Variants in THAP8 observed in about 807,000 individuals in gnomAD.
The protein encoded by THAP8 is THAP domain-containing protein 8.
A neutral mutation model predicts 25.0 loss-of-function variants in THAP8; 24 were observed. That is an observed-to-expected ratio of 0.96 (90% CI 0.69 to 1.35). The LOEUF is 1.35. Among genes scored for constraint, THAP8 ranks in the 40% most tolerant of loss-of-function variants. The probability of loss-of-function intolerance (pLI) is 0.00; values close to 1 mark genes in which losing one functional copy is unlikely to be tolerated. For synonymous variants in THAP8, 169 were observed against 157.6 expected, an observed-to-expected ratio of 1.07 and a Z score of -0.54; for missense variants, 399 against 368.8, an observed-to-expected ratio of 1.08 and a Z score of -0.67.
rs200473955 is a variant in THAP8 at position 36,035,457 on chromosome 19, G to C, written c.808C>G (p.Arg270Gly). ...CTTGATCCTTATGCACTGGGGATCC[G>C]AGTGTCCAGGAGCTCCGGCTTGGCA... ...VDAKPELLDT[R>G]IPSA Residue 270 changes from arginine to glycine, a missense_variant, in exon 4 of 4, where the codon CGG becomes GGG. Coordinates refer to ENST00000292894, the MANE Select transcript of THAP8 (RefSeq NM_152658.3). 16 of 1,613,928 alleles carry C rather than the reference G, an allele frequency of 9.9e-6. No individual in the cohort carries two copies. Among genetic ancestry groups the C allele is most frequent in the South Asian group, 4.4e-5 (4 of 91,066 alleles).
chr19:36,042,407 G>A (rs1048737552), intron 1 of THAP8, among the ~76,000 whole-genome samples: 5 of 152,200 alleles, frequency 3.3e-5, no homozygotes, highest in African/African-American at 1.2e-4. Flanking sequence ...TGAGGTGGGT[G>A]GGTCACTTGA....
At chr19:36,041,194 C>A (rs1367421442) in intron 1 of THAP8, among the ~76,000 whole-genome samples, 5 of 151,508 alleles carry the variant, frequency 3.3e-5, no homozygotes, top group African/African-American at 9.7e-5. Flanking sequence ...TGCCTGTAGT[C>A]CCAGCTACTC....
upstream of THAP8, chr19:36,054,410 C>T (rs544514307): frequency 1.7e-5 from 11 of 650,432 alleles, no homozygotes; most frequent in African/African-American, 1.6e-4. Flanking sequence ...CAGTCCCGCC[C>T]TCGTCACGTG....
intron 3 of THAP8, among the ~76,000 whole-genome samples, chr19:36,038,695 C>CA (rs1475301954): frequency 2.0e-5 from 3 of 151,834 alleles, no homozygotes; most frequent in African/African-American, 4.8e-5. Context: ...ACTAAAAATA[C>CA]AAAAAATTAG....
In THAP8 at chr19:36,035,443, T is replaced by C. The variant is rs1327636352; in HGVS notation, c.822A>G (p.Ala274=). The C allele has an allele frequency of 1.2e-6, 2 of 1,613,574 alleles. No homozygotes were observed. The highest frequency in any genetic ancestry group is 2.7e-5 in the African/African-American group (2 of 74,940). Residue 274 remains alanine (A), a synonymous_variant, in exon 4 of 4, where the codon GCA becomes GCG. Coordinates refer to ENST00000292894, the MANE Select transcript of THAP8 (RefSeq NM_152658.3). ...TCGACATTGTCTGTCTTGATCCTTA[T>C]GCACTGGGGATCCGAGTGTCCAGGA... The part of the protein sequence containing the change: ...PELLDTRIPS[A]
intron 1 of THAP8, among the ~76,000 whole-genome samples, chr19:36,043,266 C>G (rs191208569): frequency 6.6e-6 from 1 of 152,236 alleles, no homozygotes; most frequent in Non-Finnish European, 1.5e-5. Flanking sequence ...CATGCAACAA[C>G]ACAGATGAAC....
chr19:36,040,356 C>T (rs1044448434), intron 1 of THAP8, among the ~76,000 whole-genome samples: 2 of 152,106 alleles, frequency 1.3e-5, no homozygotes, highest in East Asian at 1.9e-4. Context: ...GACGGGGTTT[C>T]GCACTTGTCA....
intron 3 of THAP8, among the ~76,000 whole-genome samples, chr19:36,038,710 G>A (rs2145430168): frequency 6.6e-6 from 1 of 152,240 alleles, no homozygotes; most frequent in South Asian, 2.1e-4. Context: ...AATTAGCTGA[G>A]CGTGGTGGCG....
intron 1 of THAP8, among the ~76,000 whole-genome samples, chr19:36,042,537 G>A (rs1166971256): frequency 6.6e-6 from 1 of 152,156 alleles, no homozygotes; most frequent in Non-Finnish European, 1.5e-5. Context: ...AGGCTGAGGT[G>A]GGAGGACTGC....
At chr19:36,049,125 C>A (rs1476226904) in intron 1 of THAP8, among the ~76,000 whole-genome samples, 2 of 152,040 alleles carry the variant, frequency 1.3e-5, no homozygotes, top group African/African-American at 2.4e-5. Flanking sequence ...GTAGTCCCAG[C>A]TACTCAGGAG....
intron 1 of THAP8, among the ~76,000 whole-genome samples, chr19:36,044,373 A>AT (rs767290397): frequency 6.6e-6 from 1 of 151,878 alleles, no homozygotes; most frequent in Non-Finnish European, 1.5e-5. Flanking sequence ...GAAACTTTAC[A>AT]TCACAATTGA....
intron 1 of THAP8, among the ~76,000 whole-genome samples, chr19:36,043,047 G>C (rs1049601277): frequency 6.6e-6 from 1 of 152,112 alleles, no homozygotes; most frequent in Non-Finnish European, 1.5e-5. Context: ...TCCCGCCTCA[G>C]CTTCCCAAGT....
intron 3 of THAP8, 49 bp from the exon 4 acceptor site, chr19:36,035,641 G>A (rs750184990): frequency 9.4e-6 from 15 of 1,589,650 alleles, no homozygotes; most frequent in Admixed American, 3.4e-5. Flanking sequence ...AGCAAGTTGC[G>A]GGAGAGACAG....
At position 36,039,733 on chromosome 19, in the gene THAP8, A is replaced by G. The variant is rs1389589559; in HGVS notation, c.277-15T>C. ...CTCCGCTGACTCTGGAAGACAAGGCATGGGGTGCAGGGGTGCCGTGGTCAG... is the reference window on the plus strand; with the variant it reads ...CTCCGCTGACTCTGGAAGACAAGGCGTGGGGTGCAGGGGTGCCGTGGTCAG... On this transcript the variant is annotated splice_polypyrimidine_tract_variant and intron_variant, in intron 2 of 3. Transcript: ENST00000292894. 6.6e-7 allele frequency: 1 copy of G among 1,506,628 alleles called. No individual in the cohort carries two copies. Among genetic ancestry groups the G allele is most frequent in the Non-Finnish European group, 8.9e-7 (1 of 1,127,760 alleles). The allele number at this position is 1,506,628 out of a possible 1,614,324, so 93.3% of individuals were successfully genotyped here. A position where few individuals can be genotyped will look rare whatever the true frequency, so the allele number is the denominator to read the frequency against.
In THAP8 at chr19:36,054,209, C is replaced by T. The variant is rs1230451283; in HGVS notation, c.9G>A (p.Lys3=). 2 of 1,613,610 alleles carry T rather than the reference C, an allele frequency of 1.2e-6. No homozygotes were observed. Among genetic ancestry groups the T allele is most frequent in the Admixed American group, 1.7e-5 (1 of 59,970 alleles). The change falls in exon 1 of 4, where the codon AAG becomes AAA. Residue 3 remains lysine (K), a synonymous_variant. Coordinates refer to ENST00000292894, the MANE Select transcript of THAP8 (RefSeq NM_152658.3). ...TGGAGCAGTTCGGCGCCCTGCAGTA[C>T]TTGGGCATGGCTATCCAGCCCCCGC... MP[K]YCRAPNCSNT...
At chr19:36,039,820 G>A in intron 2 of THAP8, 102 bp from the exon 3 acceptor site, 1 of 1,540,768 alleles carries the variant, frequency 6.5e-7, no homozygotes, top group South Asian at 1.2e-5. Context: ...CCTAGGTAAG[G>A]CCAGACCTCA....
In THAP8 at chr19:36,054,200, C is replaced by A; in HGVS notation, c.18G>T (p.Arg6Ser). Residue 6 changes from arginine to serine, a missense_variant, in exon 1 of 4, where the codon AGG becomes AGT. Arg to Ser is a moderately radical substitution (Grantham distance 110). Transcript: ENST00000292894. MPKYC[R>S]APNCSNTAGR... ...CCGCAGTGTTGGAGCAGTTCGGCGC[C>A]CTGCAGTACTTGGGCATGGCTATCC... 1 of 1,613,874 alleles carries A rather than the reference C, an allele frequency of 6.2e-7. No individual in the cohort carries two copies. The highest frequency in any genetic ancestry group is 8.5e-7 in the Non-Finnish European group (1 of 1,179,912).
At chr19:36,051,574 G>A (rs1970056453) in intron 1 of THAP8, among the ~76,000 whole-genome samples, 2 of 152,148 alleles carry the variant, frequency 1.3e-5, no homozygotes. Context: ...GCAGGAAGAG[G>A]AGAGGGTTAG....
chr19:36,049,380 AGAGTGAACTAAT>A (rs1490135706), intron 1 of THAP8, among the ~76,000 whole-genome samples: 1 of 150,302 alleles, frequency 6.7e-6, no homozygotes, highest in African/African-American at 2.4e-5. Flanking sequence ...AAAAAAAGAG[AGAGTGAACTAAT>A]GAGTGTTCCC....
Sources: allele counts gnomAD v4.1 joint callset (sites outside exome capture counted in the v4.1 genomes callset), GRCh38; gene constraint gnomAD v4.1.1; transcripts MANE v1.5; gene names NCBI Gene and HGNC (gene_info 2026-07-23, HGNC 2026-07-21).